Variants in NAV2 observed in about 807,000 individuals in gnomAD.
NAV2 encodes neuron navigator 2.
A neutral mutation model predicts 223.2 loss-of-function variants in NAV2; 54 were observed. The ratio of observed to expected loss-of-function variants is 0.24; its 90% CI spans 0.19 to 0.30. NAV2 has a LOEUF of 0.30. NAV2 is among the 10% of genes least tolerant of loss of function. The probability of loss-of-function intolerance (pLI) is 1.00; values close to 1 mark genes in which losing one functional copy is unlikely to be tolerated. For missense variants in NAV2, 2,806 were observed against 3,147.5 expected, an observed-to-expected ratio of 0.89 and a Z score of 2.60; for synonymous variants, 1,279 against 1,239.3, an observed-to-expected ratio of 1.03 and a Z score of -0.67.
chr11:19,572,212 C>G (rs899285407), intron 1 of NAV2, among the ~76,000 whole-genome samples: 1 of 152,246 alleles, frequency 6.6e-6, no homozygotes, highest in Admixed American at 6.5e-5. Context: ...GTTGAACACT[C>G]CTGACAATAT....
At chr11:19,348,252 A>G (rs1339257752), upstream of NAV2, among the ~76,000 whole-genome samples, 3 of 152,214 alleles carry the variant, frequency 2.0e-5, no homozygotes, top group African/African-American at 7.2e-5. Flanking sequence ...ATACAGAGAA[A>G]GCCCAGAGCT....
Position 19,941,533 on chromosome 11 carries a change from A to C in NAV2, c.2146+1760A>C, listed in dbSNP as rs544110696. ...ATGGTAGGACTATTTAGAAATGGACATTTACATAACTATTTGATCAATTGC... is the reference window on the plus strand; with the variant it reads ...ATGGTAGGACTATTTAGAAATGGACCTTTACATAACTATTTGATCAATTGC... On this transcript the variant is annotated intron_variant, in intron 8 of 37. Coordinates refer to ENST00000349880, the MANE Select transcript of NAV2 (RefSeq NM_145117.5). 8.4e-4 allele frequency among the ~76,000 whole-genome samples: 128 copies of C among 151,898 alleles called. 1 individual carries two copies. The highest frequency in any genetic ancestry group is 2.9e-3 in the African/African-American group (121 of 41,302).
intron 5 of NAV2, chr11:19,884,434 G>A (rs758901462): frequency 1.4e-4 from 190 of 1,366,162 alleles, no homozygotes; most frequent in Non-Finnish European, 1.6e-4. Flanking sequence ...CCTCTGTTCT[G>A]GCTGAGTTTG....
chr11:19,909,814 A>G (rs1194408327), intron 6 of NAV2, among the ~76,000 whole-genome samples: 5 of 152,128 alleles, frequency 3.3e-5, no homozygotes, highest in Non-Finnish European at 7.3e-5. Flanking sequence ...CCTCCTCTTC[A>G]TCACTATCCT....
intron 10 of NAV2, 120 bp downstream of exon 10, chr11:19,949,200 C>A: frequency 1.8e-6 from 2 of 1,102,356 alleles, no homozygotes; most frequent in Non-Finnish European, 2.5e-6. Flanking sequence ...TGAGTTTCTG[C>A]TGTCCATATC....
intron 11 of NAV2, among the ~76,000 whole-genome samples, chr11:20,008,415 C>T (rs572014033): frequency 4.6e-4 from 70 of 152,278 alleles, no homozygotes; most frequent in African/African-American, 1.3e-3. Flanking sequence ...TCTGTCTTTT[C>T]TCTATCACTT....
Position 19,837,706 on chromosome 11 carries a change from A to T in NAV2, c.385+5105A>T, listed in dbSNP as rs2060307450. 1.3e-5 allele frequency among the ~76,000 whole-genome samples: 2 copies of T among 152,206 alleles called. 1 individual carries two copies. Among genetic ancestry groups the T allele is most frequent in the South Asian group, 4.1e-4 (2 of 4,822 alleles). Reference sequence around the variant, plus strand: ...AAAAAACTGGGCTACATTGTTCAAAAATGTGAATGCTGTGGAAGACAAAGG... The same window carrying T: ...AAAAAACTGGGCTACATTGTTCAAATATGTGAATGCTGTGGAAGACAAAGG... On this transcript the variant is annotated intron_variant, in intron 2 of 37. Transcript: ENST00000349880.
At chr11:19,730,580 G>A (rs930605185) in intron 1 of NAV2, among the ~76,000 whole-genome samples, 4 of 152,220 alleles carry the variant, frequency 2.6e-5, no homozygotes, top group African/African-American at 7.2e-5. Flanking sequence ...CGCTTCTGAC[G>A]TGCTCCGAAA....
At chr11:19,421,267 A>G (rs1850599752) in intron 1 of NAV2, among the ~76,000 whole-genome samples, 1 of 152,150 alleles carries the variant, frequency 6.6e-6, no homozygotes, top group Non-Finnish European at 1.5e-5. Flanking sequence ...GCTGCAGTCC[A>G]GGTTCCCATC....
chr11:20,103,156 T>G, intron 32 of NAV2, 99 bp from the exon 33 acceptor site: 1 of 1,172,468 alleles, frequency 8.5e-7, no homozygotes, highest in African/African-American at 1.5e-5. Flanking sequence ...AGGGCCTTTC[T>G]GCCTCCACTG....
In NAV2 at chr11:19,807,515, C is replaced by T. The variant is rs2058638331; in HGVS notation, c.268-24969C>T. On this transcript the variant is annotated intron_variant, in intron 1 of 37. Transcript: ENST00000349880. ...CTCTCTCCAATGAGACATTTGAATT[C>T]CTTGCCCCAATGGTGGGGGCTGCAG... is the stretch of plus-strand genomic sequence containing the variant. Among the ~76,000 whole-genome samples the T allele has an allele frequency of 2.6e-5, 4 of 152,344 alleles. No homozygotes were observed. In the South Asian group the frequency reaches 8.3e-4, roughly 32 times the overall value.
chr11:19,730,926 T>A (rs1271984856), intron 1 of NAV2, among the ~76,000 whole-genome samples: 1 of 152,296 alleles, frequency 6.6e-6, no homozygotes, highest in Admixed American at 6.5e-5. Flanking sequence ...GATGAAAAAA[T>A]TTTAATTATA....
intron 1 of NAV2, among the ~76,000 whole-genome samples, chr11:19,806,556 T>C (rs1401820230): frequency 6.6e-6 from 1 of 152,226 alleles, no homozygotes; most frequent in African/African-American, 2.4e-5. Context: ...GCAGAAAACC[T>C]TGGTCGAATG....
intron 6 of NAV2, among the ~76,000 whole-genome samples, chr11:19,914,636 C>T (rs537128772): frequency 8.6e-4 from 131 of 151,930 alleles, no homozygotes; most frequent in South Asian, 3.8e-3. Flanking sequence ...GCTCCGCTTC[C>T]CGGGTTCACG....
At chr11:19,559,784 T>C (rs946941967) in intron 1 of NAV2, among the ~76,000 whole-genome samples, 4 of 152,138 alleles carry the variant, frequency 2.6e-5, no homozygotes, top group Non-Finnish European at 5.9e-5. Flanking sequence ...GGGAAGTGCT[T>C]TCTTCGGAAG....
At chr11:19,983,499 A>C (rs780397078) in intron 10 of NAV2, among the ~76,000 whole-genome samples, 2 of 152,188 alleles carry the variant, frequency 1.3e-5, no homozygotes, top group Non-Finnish European at 2.9e-5. Flanking sequence ...AGCCTTACAC[A>C]AATTTCAGTG....
chr11:19,708,637 G>GACGTTGTGGAGCAACGTTGAGGAGCT (rs1481751678), upstream of NAV2, among the ~76,000 whole-genome samples: 1 of 152,182 alleles, frequency 6.6e-6, no homozygotes, highest in Admixed American at 6.5e-5. Context: ...AATCACAAGT[G>GACGTTGTGGAGCAACGTTGAGGAGCT]GCTGACGTTG....
intron 1 of NAV2, among the ~76,000 whole-genome samples, chr11:19,509,940 C>T (rs556862140): frequency 6.6e-6 from 1 of 152,228 alleles, no homozygotes; most frequent in Admixed American, 6.5e-5. Context: ...TTTCTCATTC[C>T]TGGGGTCATT....
At chr11:19,875,965 A>G (rs1250092706) in intron 4 of NAV2, among the ~76,000 whole-genome samples, 2 of 152,118 alleles carry the variant, frequency 1.3e-5, no homozygotes, top group Non-Finnish European at 2.9e-5. Flanking sequence ...TTTCTCAGCC[A>G]AAAAAGGGAA....
Sources: allele counts gnomAD v4.1 joint callset (sites outside exome capture counted in the v4.1 genomes callset), GRCh38; gene constraint gnomAD v4.1.1; transcripts MANE v1.5; gene names NCBI Gene and HGNC (gene_info 2026-07-23, HGNC 2026-07-21).